The following BBS9 variants were observed in gnomAD, a reference collection of about 807,000 sequenced individuals.
BBS9 encodes protein PTHB1.
BBS9 carries 89 observed loss-of-function variants against 117.7 expected under a neutral mutation model. That is an observed-to-expected ratio of 0.76 (90% confidence interval 0.64 to 0.90). BBS9 has a LOEUF of 0.90. Ranked by LOEUF, BBS9 falls within the 40% of genes least tolerant of loss-of-function variation. BBS9 has a pLI of 0.00. For synonymous variants in BBS9, 379 were observed against 370.9 expected, an observed-to-expected ratio of 1.02 and a Z score of -0.25; for missense variants, 982 against 1,042.2, an observed-to-expected ratio of 0.94 and a Z score of 0.80.
At chr7:33,176,696 T>G (rs955596343) in intron 4 of BBS9, among the ~76,000 whole-genome samples, 2 of 152,194 alleles carry the variant, frequency 1.3e-5, no homozygotes, top group Non-Finnish European at 2.9e-5. Context: ...TGCATTTGCT[T>G]TATGATAATT....
chr7:33,203,921 C>T (rs1433308082), intron 5 of BBS9, among the ~76,000 whole-genome samples: 1 of 150,088 alleles, frequency 6.7e-6, no homozygotes, highest in Non-Finnish European at 1.5e-5. Flanking sequence ...CGGGGTTTCA[C>T]CATATTGGCC....
At chr7:33,554,574 A>G (rs540221093) in intron 21 of BBS9, among the ~76,000 whole-genome samples, 12 of 152,098 alleles carry the variant, frequency 7.9e-5, no homozygotes, top group Admixed American at 1.3e-4. Context: ...AAAATGGGGA[A>G]GTCTGAGGGA....
chr7:33,333,566 C>G (rs1814612113), intron 9 of BBS9, among the ~76,000 whole-genome samples: 1 of 151,988 alleles, frequency 6.6e-6, no homozygotes, highest in South Asian at 2.1e-4. Flanking sequence ...CTCGACATCA[C>G]TAATCATCAG....
At chr7:33,633,137 T>A (rs143169322) in intron 21 of BBS9, among the ~76,000 whole-genome samples, 129 of 152,340 alleles carry the variant, frequency 8.5e-4, no homozygotes, top group African/African-American at 2.9e-3. Flanking sequence ...GAGCCGCTTG[T>A]GTGCCCGAAG....
chr7:33,571,873 A>G (rs1857859555), intron 21 of BBS9, among the ~76,000 whole-genome samples: 1 of 152,084 alleles, frequency 6.6e-6, no homozygotes, highest in Non-Finnish European at 1.5e-5. Context: ...ACCATTGGCA[A>G]TGATCAAATT....
intron 19 of BBS9, among the ~76,000 whole-genome samples, chr7:33,420,622 G>C (rs1002461234): frequency 6.6e-6 from 1 of 152,132 alleles, no homozygotes; most frequent in Non-Finnish European, 1.5e-5. Context: ...GAAATCCACA[G>C]AGACAGAGAT....
intron 20 of BBS9, among the ~76,000 whole-genome samples, chr7:33,532,249 GGGAGAGACAGTGTGGGTGCA>G (rs1486111016): frequency 3.9e-5 from 6 of 152,342 alleles, no homozygotes; most frequent in African/African-American, 1.4e-4. Context: ...AGAGGCCTAA[GGGAGAGACAGTGTGGGTGCA>G]GGTGGATGGG....
chr7:33,219,146 T>TC (rs1789677083), intron 5 of BBS9, among the ~76,000 whole-genome samples: 1 of 152,068 alleles, frequency 6.6e-6, no homozygotes, highest in African/African-American at 2.4e-5. Context: ...GTATACTGGG[T>TC]CCCCCAGCAG....
chr7:33,224,616 ATCT>A (rs1236824121), intron 5 of BBS9, among the ~76,000 whole-genome samples: 10 of 152,022 alleles, frequency 6.6e-5, no homozygotes, highest in Non-Finnish European at 1.3e-4. Context: ...CTCCCCACCG[ATCT>A]TCTCCCTAAC....
chr7:33,511,449 C>A (rs1846950166), intron 20 of BBS9, among the ~76,000 whole-genome samples: 1 of 152,082 alleles, frequency 6.6e-6, no homozygotes, highest in Admixed American at 6.6e-5. Flanking sequence ...TGCATAGAAT[C>A]CCAGAGTTGG....
chr7:33,439,917 T>G (rs779218776), intron 19 of BBS9, among the ~76,000 whole-genome samples: 1 of 152,214 alleles, frequency 6.6e-6, no homozygotes, highest in Non-Finnish European at 1.5e-5. Flanking sequence ...CACAAGGACT[T>G]GACTGTGAGG....
At chr7:33,586,305 T>A (rs1055771115) in intron 21 of BBS9, among the ~76,000 whole-genome samples, 1 of 151,692 alleles carries the variant, frequency 6.6e-6, no homozygotes, top group African/African-American at 2.4e-5. Flanking sequence ...TAATCACTAA[T>A]CACCAGAGAA....
At chr7:33,577,844 T>A (rs146260477) in intron 21 of BBS9, among the ~76,000 whole-genome samples, 1 of 152,042 alleles carries the variant, frequency 6.6e-6, no homozygotes, top group Admixed American at 6.6e-5. Flanking sequence ...CAGGTGAGAA[T>A]TGAACAATGA....
intron 1 of BBS9, among the ~76,000 whole-genome samples, chr7:33,135,458 G>A (rs565511926): frequency 1.1e-4 from 16 of 152,266 alleles, no homozygotes; most frequent in South Asian, 4.1e-4. Context: ...TTGAATGATC[G>A]TGGCACCTTT....
intron 9 of BBS9, among the ~76,000 whole-genome samples, chr7:33,333,894 G>C (rs1026000675): frequency 2.6e-5 from 4 of 152,094 alleles, no homozygotes; most frequent in African/African-American, 4.8e-5. Context: ...TTACAGGCGT[G>C]AGCCACCATC....
At chr7:33,411,120 G>T (rs1242724487) in intron 19 of BBS9, among the ~76,000 whole-genome samples, 1 of 150,602 alleles carries the variant, frequency 6.6e-6, no homozygotes, top group East Asian at 2.0e-4. Context: ...TAGCCGGAAA[G>T]GATGCCTGGA....
At chr7:33,333,639 C>T (rs1033448391) in intron 9 of BBS9, among the ~76,000 whole-genome samples, 2 of 150,854 alleles carry the variant, frequency 1.3e-5, no homozygotes, top group African/African-American at 2.4e-5. Flanking sequence ...TTTTTGAGAC[C>T]GAGTCTTGCT....
At chr7:33,611,654 A>G (rs1221069880) in intron 21 of BBS9, among the ~76,000 whole-genome samples, 2 of 62,286 alleles carry the variant, frequency 3.2e-5, no homozygotes, top group East Asian at 1.1e-3. Flanking sequence ...GGTATATTAT[A>G]TATTAAATGA....
intron 9 of BBS9, among the ~76,000 whole-genome samples, chr7:33,335,120 C>T (rs761889486): frequency 6.6e-6 from 1 of 152,200 alleles, no homozygotes; most frequent in Non-Finnish European, 1.5e-5. Flanking sequence ...CATTTTTGTT[C>T]ATTCTAAATA....
Sources: gnomAD v4.1 joint callset for allele counts (sites outside exome capture counted in the v4.1 genomes callset) on GRCh38, gnomAD v4.1.1 for gene constraint, MANE v1.5 for transcripts, NCBI Gene and HGNC (gene_info 2026-07-23, HGNC 2026-07-21) for gene names.